The following NGEF variants were observed in gnomAD, a reference collection of about 807,000 sequenced individuals.
NGEF encodes the protein ephexin-1.
In NGEF, 31 loss-of-function variants were observed where a neutral mutation model predicts 80.9. The ratio of observed to expected loss-of-function variants is 0.38; its 90% confidence interval spans 0.29 to 0.52. The LOEUF (loss-of-function observed/expected upper bound fraction) is 0.52, where lower values mean the gene tolerates loss of function less well. Ranked by LOEUF, NGEF falls within the 20% of genes least tolerant of loss-of-function variation. The pLI is 0.84. For missense variants in NGEF, 709 were observed against 926.2 expected, an observed-to-expected ratio of 0.77 and a Z score of 3.04; for synonymous variants, 371 against 370.2, an observed-to-expected ratio of 1.00 and a Z score of -0.03.
chr2:232,892,659 G>A lies in NGEF; in HGVS notation c.1142+239C>T, dbSNP rs1415306039. 2.0e-5 allele frequency among the ~76,000 whole-genome samples: 3 copies of A among 152,194 alleles called. No individual in the cohort carries two copies. The highest frequency in any genetic ancestry group is 6.5e-5 in the Admixed American group (1 of 15,284). ...ATCCAGGTCCAGTGGATGCTACGCTGATTCTCTTGGGGTCTGGCTGGGCTA... is the reference window on the plus strand; with the variant it reads ...ATCCAGGTCCAGTGGATGCTACGCTAATTCTCTTGGGGTCTGGCTGGGCTA... On this transcript the variant is annotated intron_variant, in intron 7 of 14. Coordinates refer to ENST00000264051, the MANE Select transcript of NGEF (RefSeq NM_019850.3). The surrounding 1 kb of genome is among the most constrained non-coding windows in gnomAD (Gnocchi z 4.0).
chr2:232,905,514 G>T (rs975129845), intron 5 of NGEF: 31 of 282,690 alleles, frequency 1.1e-4, no homozygotes, highest in Non-Finnish European at 1.8e-4. Context: ...AGCCTCTGCC[G>T]GTCCGCCACC....
chr2:232,910,548 C>T (rs1692670599), intron 5 of NGEF, among the ~76,000 whole-genome samples: 1 of 152,166 alleles, frequency 6.6e-6, no homozygotes, highest in South Asian at 2.1e-4. Flanking sequence ...TGTCCAGCCC[C>T]AAAGTCAACA....
Position 232,880,641 on chromosome 2 carries a change from A to G in NGEF, c.1942+505T>C, listed in dbSNP as rs1413507872. Among the ~76,000 whole-genome samples the G allele has an allele frequency of 3.3e-5, 5 of 152,220 alleles. No individual in the cohort carries two copies. In the East Asian group the frequency reaches 7.7e-4, roughly 23 times the overall value. On this transcript the variant is annotated intron_variant, in intron 14 of 14. Transcript: ENST00000264051. The stretch of plus-strand genomic sequence containing the variant: ...GGAAAGGGGGTCAGTGTTCAATTCT[A>G]CAGGGGCTGGGAGGAACTTCGCTTG...
At chr2:232,899,791 T>C (rs1193380229) in intron 5 of NGEF, among the ~76,000 whole-genome samples, 9 of 89,562 alleles carry the variant, frequency 1.0e-4, no homozygotes, top group South Asian at 4.1e-4. Context: ...TTCACTCACA[T>C]TCACTCACAC....
intron 3 of NGEF, among the ~76,000 whole-genome samples, chr2:232,966,858 G>A (rs527508618): frequency 2.0e-5 from 3 of 151,722 alleles, no homozygotes; most frequent in East Asian, 1.9e-4. Flanking sequence ...AGTGAGGGTG[G>A]GGGGGGAGGC....
At position 232,974,732 on chromosome 2, in the gene NGEF, A is replaced by C. The variant is rs200454901; in HGVS notation, c.159T>G (p.Pro53=). 5.0e-6 allele frequency: 8 copies of C among 1,614,222 alleles called. No homozygotes were observed. Among genetic ancestry groups the C allele is most frequent in the Admixed American group, 1.7e-5 (1 of 60,022 alleles). The change falls in exon 2 of 15, where the codon CCT becomes CCG. Residue 53 remains proline, a synonymous_variant. Coordinates refer to ENST00000264051, the MANE Select transcript of NGEF (RefSeq NM_019850.3). ...QADQDIQDKE[P]HCHIPIKRNS... ...TTCTCTTAATTGGGATGTGGCAATGAGGCTCTTTGTCTTGGATATCCTGGT... is the reference window on the plus strand; with the variant it reads ...TTCTCTTAATTGGGATGTGGCAATGCGGCTCTTTGTCTTGGATATCCTGGT...
At chr2:232,922,286 G>T (rs1692963008) in intron 4 of NGEF, among the ~76,000 whole-genome samples, 1 of 152,178 alleles carries the variant, frequency 6.6e-6, no homozygotes, top group African/African-American at 2.4e-5. Context: ...TCAAAATCCT[G>T]AATGAGGCTG....
chr2:232,952,996 A>AAAC (rs1352580492), intron 3 of NGEF, among the ~76,000 whole-genome samples: 3 of 130,516 alleles, frequency 2.3e-5, no homozygotes, highest in Admixed American at 7.9e-5. Context: ...AAAAAAAAAA[A>AAAC]AACAACAAAA....
chr2:232,893,050 C>A lies in NGEF; in HGVS notation c.990G>T (p.Arg330=), dbSNP rs1691933343. The A allele has an allele frequency of 3.1e-6, 5 of 1,610,302 alleles. No individual in the cohort carries two copies. The highest frequency in any genetic ancestry group is 3.4e-6 in the Non-Finnish European group (4 of 1,177,826). ...NVLDVLAVSE[R]FLLELEHRME... ...TCCGGTGCTCCAGCTCCAGGAGGAACCTACGAGAGGCAGCGGCTTGAGGCG... is the reference window on the plus strand; with the variant it reads ...TCCGGTGCTCCAGCTCCAGGAGGAAACTACGAGAGGCAGCGGCTTGAGGCG... Residue 330 remains arginine, a splice_region_variant and synonymous_variant, in exon 7 of 15, where the codon CGG becomes CGT. Coordinates refer to ENST00000264051, the MANE Select transcript of NGEF (RefSeq NM_019850.3).
intron 1 of NGEF, among the ~76,000 whole-genome samples, chr2:232,980,690 G>A (rs1272935264): frequency 6.6e-6 from 1 of 151,986 alleles, no homozygotes; most frequent in African/African-American, 2.4e-5. Context: ...ATAGAGGCAG[G>A]GTTTCACCAT....
chr2:232,887,021 G>C (rs568744000), intron 9 of NGEF, among the ~76,000 whole-genome samples: 5 of 152,246 alleles, frequency 3.3e-5, no homozygotes, highest in Admixed American at 3.3e-4. Flanking sequence ...GGAGTGGCCC[G>C]AGGTGGGAAC....
intron 5 of NGEF, among the ~76,000 whole-genome samples, chr2:232,904,011 C>T (rs1459793828): frequency 6.6e-6 from 1 of 152,172 alleles, no homozygotes; most frequent in Non-Finnish European, 1.5e-5. Flanking sequence ...CAACTTACAG[C>T]TGTAAAAATT....
At chr2:232,918,226 G>A (rs2106273804) in intron 5 of NGEF, among the ~76,000 whole-genome samples, 1 of 152,314 alleles carries the variant, frequency 6.6e-6, no homozygotes, top group South Asian at 2.1e-4. Flanking sequence ...CCAAAGTGCT[G>A]AGATTACAGG....
In NGEF at chr2:232,891,388, C is replaced by T; in HGVS notation, c.1242G>A (p.Gln414=). Residue 414 remains glutamine (Q), a synonymous_variant, in exon 8 of 15, where the codon CAG becomes CAA. Coordinates refer to ENST00000264051, the MANE Select transcript of NGEF (RefSeq NM_019850.3). ...CCAACAGCTTGAGGCGTGTGATCCT[C>T]TGGAAAGGCAGGATGAGGAAGGAGG... ...PFSSFLILPF[Q]RITRLKLLVQ... 1 of 1,613,678 alleles carries T rather than the reference C, an allele frequency of 6.2e-7. No individual in the cohort carries two copies. Among genetic ancestry groups the T allele is most frequent in the East Asian group, 2.2e-5 (1 of 44,886 alleles).
rs11429177 is a variant in NGEF at position 232,984,258 on chromosome 2, A to ATT, written c.-74-9296_-74-9295dup. ...TACCACCATGCCTGGTTAATTTTCA[A>ATT]TTTTTTTTTTTTTTGTAGGGGTGGA... is the stretch of plus-strand genomic sequence containing the variant. On this transcript the variant is annotated intron_variant, in intron 1 of 14. Coordinates refer to ENST00000264051, the MANE Select transcript of NGEF (RefSeq NM_019850.3). Among the ~76,000 whole-genome samples the ATT allele has an allele frequency of 2.9e-3, 428 of 145,296 alleles. 5 individuals are homozygous for ATT. Among genetic ancestry groups the ATT allele is most frequent in the South Asian group, 0.021 (93 of 4,530 alleles).
chr2:232,978,982 G>A (rs963501472), intron 1 of NGEF, among the ~76,000 whole-genome samples: 7 of 152,204 alleles, frequency 4.6e-5, no homozygotes, highest in African/African-American at 1.4e-4. Context: ...CTCTGTCGAC[G>A]TTGCCTGTGT....
intron 1 of NGEF, among the ~76,000 whole-genome samples, chr2:232,993,620 C>G (rs1574658022): frequency 6.6e-6 from 1 of 152,102 alleles, no homozygotes; most frequent in Non-Finnish European, 1.5e-5. Context: ...GATGTACACA[C>G]GTGTTTATAG....
chr2:232,899,811 C>T (rs1169699626), intron 5 of NGEF, among the ~76,000 whole-genome samples: 4 of 124,272 alleles, frequency 3.2e-5, no homozygotes, highest in East Asian at 4.4e-4. Flanking sequence ...CACACGCTCT[C>T]AGTCACTCAT....
chr2:232,980,161 TTAG>T (rs1299145053), intron 1 of NGEF, among the ~76,000 whole-genome samples: 2 of 152,072 alleles, frequency 1.3e-5, no homozygotes, highest in Non-Finnish European at 2.9e-5. Flanking sequence ...TGTCTCTGTG[TTAG>T]TTGTGCAGCT....
Sources: gnomAD v4.1 joint callset for allele counts (sites outside exome capture counted in the v4.1 genomes callset) on GRCh38, gnomAD v4.1.1 for gene constraint, Gnocchi (gnomAD v3.1) non-coding constraint, MANE v1.5 for transcripts, NCBI Gene and HGNC (gene_info 2026-07-23, HGNC 2026-07-21) for gene names.